Variants in ITGA7 observed in about 807,000 individuals in gnomAD.
ITGA7 encodes the protein integrin alpha-7.
Under a neutral mutation model 131.6 loss-of-function variants are expected in ITGA7, and 84 were observed. The observed-to-expected ratio is 0.64, with a 90% CI of 0.54 to 0.77. ITGA7 has a LOEUF of 0.77. Ranked by LOEUF, ITGA7 falls within the 30% of genes least tolerant of loss-of-function variation. The pLI is 0.00. For missense variants in ITGA7, 1,399 were observed against 1,482.9 expected, an observed-to-expected ratio of 0.94 and a Z score of 0.93; for synonymous variants, 548 against 600.7, an observed-to-expected ratio of 0.91 and a Z score of 1.28.
At chr12:55,699,200 A>G (rs2136040631) in intron 5 of ITGA7, among the ~76,000 whole-genome samples, 1 of 152,322 alleles carries the variant, frequency 6.6e-6, no homozygotes, top group Middle Eastern at 3.4e-3. Context: ...GGTCAGCCTC[A>G]GGGACTGGGC....
At chr12:55,711,503 T>C (rs114066960), upstream of ITGA7, among the ~76,000 whole-genome samples, 8,291 of 152,004 alleles carry the variant, frequency 0.055, 727 homozygotes, top group African/African-American at 0.18. Flanking sequence ...TTTAAAAATT[T>C]TGTGCTTCTA....
intron 21 of ITGA7, 25 bp downstream of exon 21, chr12:55,692,819 T>C (rs760306815): frequency 1.3e-6 from 2 of 1,591,400 alleles, no homozygotes; most frequent in African/African-American, 2.7e-5. Flanking sequence ...GAGCTCTGGC[T>C]GCACCGAGTC....
Position 55,703,076 on chromosome 12 carries a change from G to A in ITGA7, c.309C>T (p.Cys103=). ...CTCCCTGGTCGATGTCCACTCTGTA[G>A]CAGTCAGTCTCCTCCAGGCTCAACG... is the stretch of plus-strand genomic sequence containing the variant. ...ACPLSLEETD[C]YRVDIDQGAD... is the part of the protein sequence containing the mutation. The change falls in exon 2 of 25, where the codon TGC becomes TGT. Residue 103 remains cysteine (C), a synonymous_variant. Coordinates refer to ENST00000257879, the MANE Select transcript of ITGA7 (RefSeq NM_002206.3). 6.2e-6 allele frequency: 10 copies of A among 1,614,112 alleles called. No homozygotes were observed. Among genetic ancestry groups the A allele is most frequent in the Non-Finnish European group, 8.5e-6 (10 of 1,180,046 alleles).
chr12:55,690,827 A>G (rs1358585248), intron 21 of ITGA7, among the ~76,000 whole-genome samples: 1 of 152,160 alleles, frequency 6.6e-6, no homozygotes, highest in Non-Finnish European at 1.5e-5. Context: ...TTGTAGGGAC[A>G]TGGATGAAAT....
In ITGA7 at chr12:55,685,144, C is replaced by T; in HGVS notation, c.3328G>A (p.Glu1110Lys). The T allele has an allele frequency of 6.2e-7, 1 of 1,613,778 alleles. No homozygotes were observed. The highest frequency in any genetic ancestry group is 8.5e-7 in the Non-Finnish European group (1 of 1,180,020). The change falls in exon 25 of 25, where the codon GAG becomes AAG. Residue 1110 changes from glutamate to lysine, a missense_variant. Glu to Lys is a moderately conservative substitution (Grantham distance 56, BLOSUM62 1). Coordinates refer to ENST00000257879, the MANE Select transcript of ITGA7 (RefSeq NM_002206.3). ...AGGATGGGGTGTGCATCCGGGCCCTCCCGCCGGGGGCTGCCCCAGTTGTTC... is the reference window on the plus strand; with the variant it reads ...AGGATGGGGTGTGCATCCGGGCCCTTCCGCCGGGGGCTGCCCCAGTTGTTC... ...LRNNWGSPRR[E>K]GPDAHPILAA...
At chr12:55,697,383 G>A in intron 10 of ITGA7, 68 bp downstream of exon 10, 4 of 1,588,228 alleles carry the variant, frequency 2.5e-6, no homozygotes, top group Non-Finnish European at 3.5e-6. Context: ...CCAAACTGGG[G>A]AGATAAAGGA....
chr12:55,695,700 C>G (rs1872498614), intron 13 of ITGA7, 63 bp from the exon 14 acceptor site: 1 of 1,088,918 alleles, frequency 9.2e-7, no homozygotes, highest in Admixed American at 1.7e-5. Flanking sequence ...AACCTGTCAC[C>G]ATGGCATATG....
chr12:55,690,113 T>G (rs1257043961), intron 21 of ITGA7, among the ~76,000 whole-genome samples: 1 of 152,020 alleles, frequency 6.6e-6, no homozygotes, highest in Non-Finnish European at 1.5e-5. Flanking sequence ...AAGCCAAAAT[T>G]GACAAATGGG....
rs146727675 is a variant in ITGA7 at position 55,696,806 on chromosome 12, C to T, written c.1737+93G>A. 5.4e-4 allele frequency: 782 copies of T among 1,441,136 alleles called. 4 individuals carry two copies. In the African/African-American group the frequency reaches 8.5e-3, roughly 16 times the overall value. 89.3% of individuals were successfully genotyped at this position (1,441,136 alleles called of 1,614,324 possible). ...CGTGTCTAGGTCTTAGAAGGAGGCA[C>T]GAGTGTGCTCGGGAAAAAGCAGCTA... On this transcript the variant is annotated intron_variant, in intron 12 of 24. Transcript: ENST00000257879.
intron 24 of ITGA7, 152 bp from the exon 25 acceptor site, chr12:55,685,440 A>T: frequency 1.3e-6 from 1 of 743,378 alleles, no homozygotes; most frequent in Non-Finnish European, 2.3e-6. Flanking sequence ...GGCAGCACCC[A>T]CGGTGCTCCC....
Position 55,684,883 on chromosome 12 carries a change from G to C in ITGA7, c.*175C>G. 3 of 608,214 alleles carry C rather than the reference G, an allele frequency of 4.9e-6. No homozygotes were observed. The highest frequency in any genetic ancestry group is 8.7e-6 in the Non-Finnish European group (3 of 345,734). The allele number at this position is 608,214 out of a possible 1,614,324, so 37.7% of individuals were successfully genotyped here. A position where few individuals can be genotyped will look rare whatever the true frequency, so the allele number is the denominator to read the frequency against. ...CCACTCTCATCTCACAGCACTCTAA[G>C]GGGAAGTTGGGTGGGAGGAGTTCTT... On this transcript the variant is annotated 3_prime_UTR_variant, in exon 25 of 25. Transcript: ENST00000257879.
In ITGA7 at chr12:55,685,117, C is replaced by A; in HGVS notation, c.3355G>T (p.Ala1119Ser). Residue 1119 changes from alanine to serine, a missense_variant, in exon 25 of 25, where the codon GCT (alanine) becomes TCT (serine). Transcript: ENST00000257879. ...REGPDAHPIL[A>S]ADGHPELGPD... ...CCCAGCTCGGGATGCCCGTCAGCAG[C>A]CAGGATGGGGTGTGCATCCGGGCCC... 6.2e-7 allele frequency: 1 copy of A among 1,611,988 alleles called. No individual in the cohort carries two copies. Among genetic ancestry groups the A allele is most frequent in the Non-Finnish European group, 8.5e-7 (1 of 1,179,746 alleles).
At position 55,692,841 on chromosome 12, in the gene ITGA7, C is replaced by T. The variant is rs757766892; in HGVS notation, c.2844+3G>A. Reference sequence around the variant, plus strand: ...GGCTGCACCGAGTCTGGCCTGCCCTCACCAGGGTGATGTTTTTCTTCTTCT... The same window carrying T: ...GGCTGCACCGAGTCTGGCCTGCCCTTACCAGGGTGATGTTTTTCTTCTTCT... On this transcript the variant is annotated splice_donor_region_variant and intron_variant, in intron 21 of 24. Transcript: ENST00000257879. The T allele has an allele frequency of 1.2e-6, 2 of 1,608,146 alleles. No individual in the cohort carries two copies. Among genetic ancestry groups the T allele is most frequent in the Non-Finnish European group, 1.7e-6 (2 of 1,177,338 alleles).
rs563387051 is a variant in ITGA7 at position 55,693,887 on chromosome 12, A to G, written c.2535+134T>C. 4.1e-6 allele frequency: 3 copies of G among 740,046 alleles called. No individual in the cohort carries two copies. In the East Asian group the frequency reaches 8.1e-5, roughly 20 times the overall value. 45.8% of individuals were successfully genotyped at this position (740,046 alleles called of 1,614,324 possible). ...GAACACCTTCCCACAGCCAAGGTCC[A>G]TATGCAGGACAGAGGCCTCAAACTG... is the stretch of plus-strand genomic sequence containing the variant. On this transcript the variant is annotated intron_variant, in intron 19 of 24. Transcript: ENST00000257879.
Position 55,699,586 on chromosome 12 carries a change from T to C in ITGA7, c.790+284A>G, listed in dbSNP as rs183987545. The C allele has an allele frequency of 8.1e-4, 403 of 495,198 alleles. 2 individuals are homozygous for C. Among genetic ancestry groups the C allele is most frequent in the African/African-American group, 6.9e-3 (357 of 51,476 alleles). 30.7% of individuals were successfully genotyped at this position (495,198 alleles called of 1,614,324 possible). On this transcript the variant is annotated intron_variant, in intron 5 of 24. Coordinates refer to ENST00000257879, the MANE Select transcript of ITGA7 (RefSeq NM_002206.3). Reference sequence around the variant, plus strand: ...GGAAAGTCCCCCTAGAAGACAGGACTGTCCTTCCCAAAATATCCTCAGCCC... The same window carrying C: ...GGAAAGTCCCCCTAGAAGACAGGACCGTCCTTCCCAAAATATCCTCAGCCC...
intron 7 of ITGA7, 150 bp from the exon 8 acceptor site, chr12:55,698,176 C>T: frequency 2.3e-6 from 2 of 856,312 alleles, no homozygotes; most frequent in South Asian, 1.6e-5. Context: ...ATCTTTAATC[C>T]TCTTGGCCAC....
At chr12:55,702,821 A>G in intron 3 of ITGA7, 51 bp downstream of exon 3, 1 of 1,488,944 alleles carries the variant, frequency 6.7e-7, no homozygotes, top group Non-Finnish European at 9.3e-7. Flanking sequence ...CCATAAACAC[A>G]CACACACACA....
chr12:55,685,563 G>A (rs1018765411), intron 24 of ITGA7, among the ~76,000 whole-genome samples: 1 of 152,128 alleles, frequency 6.6e-6, no homozygotes, highest in African/African-American at 2.4e-5. Context: ...CCTTGAGGGT[G>A]GAGCATCAGG....
chr12:55,698,699 T>C lies in ITGA7; in HGVS notation c.998+11A>G, dbSNP rs1180308671. ...GCCTCCCTCAGGTGGCACGGCCCTC[T>C]ACCCACTCACCCATCACTGTTGAGG... On this transcript the variant is annotated intron_variant, in intron 6 of 24. Coordinates refer to ENST00000257879, the MANE Select transcript of ITGA7 (RefSeq NM_002206.3). The C allele has an allele frequency of 6.2e-7, 1 of 1,613,816 alleles. No homozygotes were observed. The highest frequency in any genetic ancestry group is 1.3e-5 in the African/African-American group (1 of 74,896).
Sources: gnomAD v4.1 joint callset for allele counts (sites outside exome capture counted in the v4.1 genomes callset) on GRCh38, gnomAD v4.1.1 for gene constraint, MANE v1.5 for transcripts, NCBI Gene and HGNC (gene_info 2026-07-23, HGNC 2026-07-21) for gene names.